The following P2RX7 variants were observed in gnomAD, a reference collection of about 807,000 sequenced individuals.
P2RX7 encodes purinergic receptor P2X 7, also known as P2X purinoceptor 7.
Under a neutral mutation model 71.6 loss-of-function variants are expected in P2RX7, and 62 were observed. The observed-to-expected ratio is 0.87, with a 90% confidence interval of 0.71 to 1.07. P2RX7 has a LOEUF of 1.07. P2RX7 is among the 50% of genes least tolerant of loss of function. The pLI, the probability that P2RX7 is intolerant of heterozygous loss-of-function variation, is 0.00. For missense variants in P2RX7, 686 were observed against 748.5 expected (o/e 0.92, Z 0.97); for synonymous variants, 299 against 283.3 (o/e 1.06, Z -0.56).
In P2RX7 at chr12:121,144,862, C is replaced by T. The variant is rs180961114; in HGVS notation, c.126-9923C>T. On this transcript the variant is annotated intron_variant, in intron 1 of 12. Transcript: ENST00000328963. ...AGGATGAGTCAAAGAGTGCACCATG[C>T]TTCTGGCTTGGGCAACTGATGGGTA... Among the ~76,000 whole-genome samples the T allele has an allele frequency of 8.3e-4, 127 of 152,246 alleles. 1 individual carries two copies. The highest frequency in any genetic ancestry group is 3.0e-3 in the Admixed American group (46 of 15,280).
rs1565930628 is a variant in P2RX7, at chr12:121,132,936, TGG to T, written c.-34_-33del. ...GGCCCTGTCAGGAAGAGTAGAGCTCTGGTCCAGCTCCGCGCAGGGAGGGAGGC... is the reference window on the plus strand; with the variant it reads ...GGCCCTGTCAGGAAGAGTAGAGCTCTTCCAGCTCCGCGCAGGGAGGGAGGC... On this transcript the variant is annotated 5_prime_UTR_variant, in exon 1 of 13. Coordinates refer to ENST00000328963, the MANE Select transcript of P2RX7 (RefSeq NM_002562.6). 1.9e-6 allele frequency: 3 copies of T among 1,612,266 alleles called. No individual in the cohort carries two copies. The highest frequency in any genetic ancestry group is 3.3e-5 in the Admixed American group (2 of 60,018).
At chr12:121,170,506 G>A (rs1479550294) in intron 8 of P2RX7, among the ~76,000 whole-genome samples, 1 of 152,206 alleles carries the variant, frequency 6.6e-6, no homozygotes, top group Non-Finnish European at 1.5e-5. Flanking sequence ...CGGGAGCAGT[G>A]GCTTATGCCT....
chr12:121,176,772 A>C (rs1183214135), intron 9 of P2RX7, among the ~76,000 whole-genome samples: 3 of 150,662 alleles, frequency 2.0e-5, no homozygotes, highest in African/African-American at 4.9e-5. Context: ...AAAAAAAAAA[A>C]CCCACGAGGC....
Position 121,184,412 on chromosome 12 carries a change from G to T in P2RX7, c.1398G>T (p.Ala466=). ...AGATACAGCTGCTTAGAAAGGAGGCGACTCCTAGATCCAGGGATAGCCCCG... is the reference window on the plus strand; with the variant it reads ...AGATACAGCTGCTTAGAAAGGAGGCTACTCCTAGATCCAGGGATAGCCCCG... ...PEEIQLLRKE[A]TPRSRDSPVW... The change falls in exon 13 of 13, where the codon GCG becomes GCT. Residue 466 remains alanine, a synonymous_variant. Transcript: ENST00000328963. The T allele has an allele frequency of 1.2e-6, 2 of 1,614,118 alleles. No individual in the cohort carries two copies. The highest frequency in any genetic ancestry group is 2.2e-5 in the South Asian group (2 of 91,068).
chr12:121,150,799 C>T (rs1351974076), intron 1 of P2RX7, among the ~76,000 whole-genome samples: 1 of 152,192 alleles, frequency 6.6e-6, no homozygotes, highest in Non-Finnish European at 1.5e-5. Context: ...ATCCCAGCTA[C>T]TTGGGAGGCT....
chr12:121,144,198 T>C (rs958321053), intron 1 of P2RX7, among the ~76,000 whole-genome samples: 2 of 152,182 alleles, frequency 1.3e-5, no homozygotes, highest in African/African-American at 4.8e-5. Context: ...AATACTAATA[T>C]CCTCTTGTTT....
At position 121,167,565 on chromosome 12, in the gene P2RX7, T is replaced by G. The variant is rs199779316; in HGVS notation, c.822T>G (p.Ser274Arg). The G allele has an allele frequency of 1.9e-6, 3 of 1,612,548 alleles. No individual in the cohort carries two copies. Among genetic ancestry groups the G allele is most frequent in the Non-Finnish European group, 1.7e-6 (2 of 1,179,376 alleles). The change falls in exon 8 of 13, where the codon AGT becomes AGG. Residue 274 changes from serine to arginine, a missense_variant. Transcript: ENST00000328963. ...TCCATCACTGCCGTCCCAAATACAGTTTCCGTCGCCTTGACGACAAGACCA... is the reference window on the plus strand; with the variant it reads ...TCCATCACTGCCGTCCCAAATACAGGTTCCGTCGCCTTGACGACAAGACCA... ...RWFHHCRPKY[S>R]FRRLDDKTTN...
rs540911000 is a variant in P2RX7 at position 121,181,164 on chromosome 12, G to A, written c.1290+709G>A. ...TTCTAAAAACTGAATCACGTAGTAT[G>A]TAAGCGGTATATACGCGGTTGAGTG... On this transcript the variant is annotated intron_variant, in intron 12 of 12. Transcript: ENST00000328963. 7.2e-5 allele frequency among the ~76,000 whole-genome samples: 11 copies of A among 152,264 alleles called. No homozygotes were observed. The South Asian group carries it at 2.1e-3, about 29-fold the overall frequency.
In P2RX7 at chr12:121,167,475, G is replaced by A. The variant is rs201193974; in HGVS notation, c.745-13G>A. The stretch of plus-strand genomic sequence containing the variant: ...CCAGCAGCCATAGAGACTGTCCCTT[G>A]TTGATCCTTCAGGGCGGAATAATGG... On this transcript the variant is annotated splice_polypyrimidine_tract_variant and intron_variant, in intron 7 of 12. Transcript: ENST00000328963. 1.9e-6 allele frequency: 3 copies of A among 1,613,860 alleles called. No homozygotes were observed. The highest frequency in any genetic ancestry group is 2.2e-5 in the East Asian group (1 of 44,838).
chr12:121,153,119 A>T (rs1877797917), intron 1 of P2RX7, among the ~76,000 whole-genome samples: 1 of 152,210 alleles, frequency 6.6e-6, no homozygotes, highest in African/African-American at 2.4e-5. Context: ...ACTTTAAAAA[A>T]ATATGTGGGT....
chr12:121,136,319 T>C (rs1873643433), intron 1 of P2RX7, among the ~76,000 whole-genome samples: 1 of 151,636 alleles, frequency 6.6e-6, no homozygotes, highest in African/African-American at 2.4e-5. Context: ...GCATACAATC[T>C]TTTTATTTCT....
At chr12:121,157,145 G>A (rs1297369195) in intron 3 of P2RX7, among the ~76,000 whole-genome samples, 1 of 152,100 alleles carries the variant, frequency 6.6e-6, no homozygotes, top group Non-Finnish European at 1.5e-5. Context: ...CCCCTCTCAG[G>A]TAACGTAACT....
At chr12:121,168,635 A>C (rs921548172) in intron 8 of P2RX7, among the ~76,000 whole-genome samples, 4 of 152,154 alleles carry the variant, frequency 2.6e-5, no homozygotes, top group Non-Finnish European at 5.9e-5. Context: ...CAACCCTGGA[A>C]GGAAGATATT....
intron 11 of P2RX7, 79 bp downstream of exon 11, chr12:121,177,525 C>T (rs1159348150): frequency 1.1e-5 from 15 of 1,374,308 alleles, no homozygotes; most frequent in Non-Finnish European, 1.4e-5. Context: ...AAAATTAGGC[C>T]CAAATCACAG....
intron 8 of P2RX7, among the ~76,000 whole-genome samples, chr12:121,173,649 CT>C (rs1565970823): frequency 6.6e-6 from 1 of 152,210 alleles, no homozygotes; most frequent in Non-Finnish European, 1.5e-5. Flanking sequence ...TATTGTGTTA[CT>C]CAGTGGAAGG....
At chr12:121,158,727 G>GT (rs201522387) in intron 3 of P2RX7, among the ~76,000 whole-genome samples, 28 of 151,398 alleles carry the variant, frequency 1.8e-4, no homozygotes, top group Admixed American at 4.6e-4. Flanking sequence ...CTAATGTGCT[G>GT]TTTTTTAAAA....
chr12:121,167,332 A>G (rs1881289792), intron 7 of P2RX7, among the ~76,000 whole-genome samples, 156 bp from the exon 8 acceptor site: 1 of 152,116 alleles, frequency 6.6e-6, no homozygotes, highest in South Asian at 2.1e-4. Context: ...TGCCACAATA[A>G]CACTTGTGCG....
At chr12:121,163,864 T>C (rs1165877227) in intron 5 of P2RX7, among the ~76,000 whole-genome samples, 2 of 152,166 alleles carry the variant, frequency 1.3e-5, no homozygotes, top group Non-Finnish European at 2.9e-5. Flanking sequence ...TCCCTCAGCA[T>C]CGTGGGGCAA....
At chr12:121,160,653 T>A (rs949594477) in intron 3 of P2RX7, among the ~76,000 whole-genome samples, 1 of 152,226 alleles carries the variant, frequency 6.6e-6, no homozygotes, top group Non-Finnish European at 1.5e-5. Flanking sequence ...TCCAGGTCCA[T>A]CCATGTTGTA....
Sources: gnomAD v4.1 joint callset for allele counts (sites outside exome capture counted in the v4.1 genomes callset) on GRCh38, gnomAD v4.1.1 for gene constraint, MANE v1.5 for transcripts, NCBI Gene and HGNC (gene_info 2026-07-23, HGNC 2026-07-21) for gene names.